Variants in TBXAS1 observed in about 807,000 individuals in gnomAD.
TBXAS1 encodes thromboxane-A synthase.
A neutral mutation model predicts 60.7 loss-of-function variants in TBXAS1; 48 were observed. That is an observed-to-expected ratio of 0.79 (90% CI 0.63 to 1.01). The LOEUF is 1.01. Among genes scored for constraint, TBXAS1 ranks in the 50% least tolerant of loss-of-function variants. The pLI is 0.00. For missense variants in TBXAS1, 685 were observed against 686.3 expected (o/e 1.00, Z 0.02); for synonymous variants, 287 against 269.7 (o/e 1.06, Z -0.63).
chr7:139,978,934 G>A (rs991122613), intron 9 of TBXAS1, among the ~76,000 whole-genome samples: 3 of 152,142 alleles, frequency 2.0e-5, no homozygotes, highest in African/African-American at 7.2e-5. Context: ...TAGCATGGGC[G>A]ACAAAACAAT....
chr7:139,886,163 G>A (rs2116901200), intron 3 of TBXAS1, among the ~76,000 whole-genome samples: 1 of 152,198 alleles, frequency 6.6e-6, no homozygotes, highest in Non-Finnish European at 1.5e-5. Flanking sequence ...ACTTAACTAC[G>A]AAAATAAGTT....
At chr7:139,973,363 C>T (rs951275565) in intron 9 of TBXAS1, among the ~76,000 whole-genome samples, 6 of 152,156 alleles carry the variant, frequency 3.9e-5, no homozygotes, top group African/African-American at 1.4e-4. Flanking sequence ...GCTGCTTCCA[C>T]ACTCCACTAA....
intron 4 of TBXAS1, among the ~76,000 whole-genome samples, chr7:139,808,273 G>C (rs544995293): frequency 6.6e-6 from 1 of 152,224 alleles, no homozygotes; most frequent in South Asian, 2.1e-4. Flanking sequence ...GGGAGGCAGA[G>C]ATTGTGGTGA....
intron 1 of TBXAS1, among the ~76,000 whole-genome samples, chr7:139,860,238 G>A (rs762592495): frequency 1.2e-4 from 19 of 152,170 alleles, no homozygotes; most frequent in Non-Finnish European, 2.2e-4. Flanking sequence ...GCTGGGTACT[G>A]GGTGAGCTCT....
At chr7:139,853,725 G>C (rs1361588818) in intron 1 of TBXAS1, among the ~76,000 whole-genome samples, 1 of 152,104 alleles carries the variant, frequency 6.6e-6, no homozygotes, top group Non-Finnish European at 1.5e-5. Flanking sequence ...AAGTCTCAGG[G>C]GTTCTTTAAG....
chr7:139,946,249 A>G (rs1255636805), intron 5 of TBXAS1, among the ~76,000 whole-genome samples: 1 of 152,116 alleles, frequency 6.6e-6, no homozygotes, highest in Non-Finnish European at 1.5e-5. Flanking sequence ...CTGAAATGGG[A>G]GGATGGTTTG....
chr7:139,939,466 T>G lies in TBXAS1; in HGVS notation c.450+3159T>G, dbSNP rs75304525. ...ACTATCAATAACCTTGAAATTCCCT[T>G]GAAAGGCATTTTTTTCTACTCCATA... is the stretch of plus-strand genomic sequence containing the variant. On this transcript the variant is annotated intron_variant, in intron 5 of 12. Transcript: ENST00000448866. 6.7e-3 allele frequency among the ~76,000 whole-genome samples: 1,016 copies of G among 151,056 alleles called. 9 individuals are homozygous for G. The highest frequency in any genetic ancestry group is 0.024 in the Middle Eastern group (7 of 292).
intron 4 of TBXAS1, among the ~76,000 whole-genome samples, chr7:139,822,069 C>T (rs1798314904): frequency 6.6e-6 from 1 of 152,174 alleles, no homozygotes; most frequent in Non-Finnish European, 1.5e-5. Context: ...GCAGTGTGGA[C>T]AGTTATCACC....
intron 1 of TBXAS1, among the ~76,000 whole-genome samples, chr7:139,859,709 G>A (rs537468877): frequency 5.9e-5 from 9 of 152,258 alleles, no homozygotes; most frequent in South Asian, 2.1e-4. Flanking sequence ...CTTAATACTC[G>A]TTGAGACTTA....
intron 9 of TBXAS1, among the ~76,000 whole-genome samples, chr7:139,980,199 G>A (rs958637682): frequency 2.0e-5 from 3 of 152,116 alleles, no homozygotes; most frequent in Non-Finnish European, 4.4e-5. Flanking sequence ...CATCTAAATG[G>A]TATCCTGTTA....
chr7:140,006,821 C>T (rs531228761), intron 9 of TBXAS1, among the ~76,000 whole-genome samples: 8 of 152,270 alleles, frequency 5.3e-5, no homozygotes, highest in East Asian at 1.9e-4. Context: ...TAAATGCTGG[C>T]GGCTGTGGTT....
Position 139,778,964 on chromosome 7 carries a change from G to A in TBXAS1, c.-318+493G>A, listed in dbSNP as rs967336956. On this transcript the variant is annotated intron_variant, in intron 1 of 16. Coordinates refer to the TBXAS1 transcript ENST00000336425. The surrounding 1 kb of genome is among the most constrained non-coding windows in gnomAD (Gnocchi z 4.8). ...AGTAATAGATCATAAAATAAATGCA[G>A]CGGAAGGCAACCAGCTTTCAAAAAG... is the stretch of plus-strand genomic sequence containing the variant. 2.0e-4 allele frequency among the ~76,000 whole-genome samples: 30 copies of A among 152,128 alleles called. No homozygotes were observed. The highest frequency in any genetic ancestry group is 6.8e-4 in the African/African-American group (28 of 41,418).
chr7:139,804,968 A>T lies in TBXAS1; in HGVS notation c.-80+17542A>T, dbSNP rs75348102. Among the ~76,000 whole-genome samples, 10 of 152,358 alleles carry T rather than the reference A, an allele frequency of 6.6e-5. No individual in the cohort carries two copies. In the East Asian group the frequency reaches 1.9e-3, roughly 29 times the overall value. ...GAGGAAAGATCTCTCTTGACTATGCATTCCCCCAAAAGTAATGTGAATGGA... is the reference window on the plus strand; with the variant it reads ...GAGGAAAGATCTCTCTTGACTATGCTTTCCCCCAAAAGTAATGTGAATGGA... On this transcript the variant is annotated intron_variant, in intron 4 of 16. Coordinates refer to the TBXAS1 transcript ENST00000336425.
At chr7:139,954,495 T>G (rs1046594018) in intron 6 of TBXAS1, among the ~76,000 whole-genome samples, 18 of 152,224 alleles carry the variant, frequency 1.2e-4, no homozygotes, top group African/African-American at 4.3e-4. Context: ...ATAAAAGCAG[T>G]GTGAATTTTA....
chr7:139,964,840 C>T (rs1470132392), intron 9 of TBXAS1, among the ~76,000 whole-genome samples: 1 of 152,218 alleles, frequency 6.6e-6, no homozygotes, highest in Non-Finnish European at 1.5e-5. Flanking sequence ...TTTAGAGAGC[C>T]ATGGGGCGAT....
At chr7:139,862,891 G>A (rs1341839563) in intron 1 of TBXAS1, among the ~76,000 whole-genome samples, 4 of 152,154 alleles carry the variant, frequency 2.6e-5, no homozygotes, top group Non-Finnish European at 5.9e-5. Context: ...CTCATGTTGT[G>A]CTTTATCCAC....
At chr7:139,805,167 G>A (rs779714864) in intron 4 of TBXAS1, among the ~76,000 whole-genome samples, 5 of 152,210 alleles carry the variant, frequency 3.3e-5, no homozygotes, top group African/African-American at 7.2e-5. Flanking sequence ...CTAGCCAGGT[G>A]CCAGGCCTGA....
At chr7:139,926,588 T>G (rs1375461163) in intron 4 of TBXAS1, among the ~76,000 whole-genome samples, 1 of 149,948 alleles carries the variant, frequency 6.7e-6, no homozygotes, top group Non-Finnish European at 1.5e-5. Flanking sequence ...AACTTTTTAT[T>G]TTGTCGATCT....
intron 4 of TBXAS1, among the ~76,000 whole-genome samples, chr7:139,930,709 C>G (rs1020770804): frequency 5.9e-5 from 9 of 152,160 alleles, no homozygotes; most frequent in Non-Finnish European, 8.8e-5. Context: ...ACATACCAGG[C>G]CTCATAAAAC....
Sources: gnomAD v4.1 joint callset for allele counts (sites outside exome capture counted in the v4.1 genomes callset) on GRCh38, gnomAD v4.1.1 for gene constraint, Gnocchi (gnomAD v3.1) non-coding constraint, MANE v1.5 for transcripts, NCBI Gene and HGNC (gene_info 2026-07-23, HGNC 2026-07-21) for gene names.